Variants in HEMK2 observed in about 807,000 individuals in gnomAD.
The protein encoded by HEMK2 is methyltransferase HEMK2.
At chr21:28,844,789 T>C in the HEMK2 span, among the ~76,000 whole-genome samples, 2 of 107,580 alleles carry the variant, frequency 1.9e-5, no homozygotes, top group Non-Finnish European at 3.5e-5. Flanking sequence ...AATTTGCATT[T>C]TCCTTATTAT....
chr21:28,678,415 T>A, the HEMK2 span, among the ~76,000 whole-genome samples: 1 of 152,202 alleles, frequency 6.6e-6, no homozygotes, highest in East Asian at 1.9e-4. Flanking sequence ...AATCTACGTC[T>A]GATTGGTGTA....
chr21:28,783,927 T>TC, the HEMK2 span, among the ~76,000 whole-genome samples: 3 of 152,098 alleles, frequency 2.0e-5, no homozygotes, highest in Admixed American at 2.0e-4. Context: ...GTGCGCCAGG[T>TC]CCCCCGGCAA....
At chr21:28,657,635 A>G in the HEMK2 span, among the ~76,000 whole-genome samples, 2 of 152,224 alleles carry the variant, frequency 1.3e-5, no homozygotes, top group African/African-American at 2.4e-5. Flanking sequence ...TCATATCCTC[A>G]TAACTTGGAA....
the HEMK2 span, among the ~76,000 whole-genome samples, chr21:28,611,163 T>C: frequency 6.6e-6 from 1 of 151,946 alleles, no homozygotes; most frequent in Non-Finnish European, 1.5e-5. Flanking sequence ...AAAACAAATC[T>C]CAACAAATTT....
the HEMK2 span, among the ~76,000 whole-genome samples, chr21:28,717,679 C>T: frequency 2.0e-5 from 3 of 151,974 alleles, no homozygotes; most frequent in African/African-American, 7.3e-5. Context: ...AGGGTTTCAC[C>T]TTGTTGGCCA....
the HEMK2 span, among the ~76,000 whole-genome samples, chr21:28,882,417 A>G: frequency 2.0e-5 from 3 of 152,204 alleles, no homozygotes; most frequent in Non-Finnish European, 4.4e-5. Context: ...GATTTGTTCT[A>G]TTGATGAAAA....
the HEMK2 span, among the ~76,000 whole-genome samples, chr21:28,699,133 T>C: frequency 6.6e-6 from 1 of 152,248 alleles, no homozygotes; most frequent in Non-Finnish European, 1.5e-5. Flanking sequence ...TAGTAATTCA[T>C]GAACCACCAG....
chr21:28,765,119 G>A, the HEMK2 span, among the ~76,000 whole-genome samples: 6 of 152,092 alleles, frequency 3.9e-5, no homozygotes, highest in Admixed American at 6.6e-5. Context: ...CTCTGAGGGA[G>A]CAAGTGGGTA....
the HEMK2 span, among the ~76,000 whole-genome samples, chr21:28,608,237 C>T: frequency 2.0e-5 from 3 of 152,250 alleles, no homozygotes; most frequent in African/African-American, 7.2e-5. Context: ...CAAGGAGACA[C>T]TTTCAACCAA....
At chr21:28,705,923 T>C in the HEMK2 span, among the ~76,000 whole-genome samples, 2 of 152,298 alleles carry the variant, frequency 1.3e-5, no homozygotes, top group African/African-American at 4.8e-5. Context: ...CTGATCACAA[T>C]GGGAAAGGTT....
At chr21:28,788,310 A>G in the HEMK2 span, among the ~76,000 whole-genome samples, 5 of 151,498 alleles carry the variant, frequency 3.3e-5, no homozygotes, top group Admixed American at 2.0e-4. Flanking sequence ...ACACATATAT[A>G]TGTGTATACA....
the HEMK2 span, among the ~76,000 whole-genome samples, chr21:28,735,802 A>G: frequency 2.0e-5 from 3 of 152,236 alleles, no homozygotes; most frequent in African/African-American, 7.2e-5. Context: ...AAAGTTGGTT[A>G]TATCTGCAAA....
the HEMK2 span, among the ~76,000 whole-genome samples, chr21:28,645,450 G>T: frequency 6.6e-6 from 1 of 152,030 alleles, no homozygotes. Flanking sequence ...GACCTATAAA[G>T]GTACTGAAGG....
At chr21:28,812,438 A>T in the HEMK2 span, among the ~76,000 whole-genome samples, 1 of 152,164 alleles carries the variant, frequency 6.6e-6, no homozygotes, top group African/African-American at 2.4e-5. Flanking sequence ...TATGTGATGG[A>T]TTACATTTAT....
chr21:28,878,423 AAGT>A, the HEMK2 span: 1 of 1,493,374 alleles, frequency 6.7e-7, no homozygotes, highest in Non-Finnish European at 9.2e-7. Context: ...ATCACCAAAA[AAGT>A]ATATATTTTG....
the HEMK2 span, among the ~76,000 whole-genome samples, chr21:28,576,613 A>C: frequency 6.6e-6 from 1 of 152,112 alleles, no homozygotes; most frequent in Non-Finnish European, 1.5e-5. Flanking sequence ...TCTCTTTATT[A>C]ATCCCATTTA....
chr21:28,799,287 A>G, the HEMK2 span, among the ~76,000 whole-genome samples: 1 of 152,186 alleles, frequency 6.6e-6, no homozygotes, highest in African/African-American at 2.4e-5. Context: ...AAGAGAAGAG[A>G]GCTTCTGCAG....
chr21:28,664,606 A>ATAT, the HEMK2 span, among the ~76,000 whole-genome samples: 2 of 151,948 alleles, frequency 1.3e-5, no homozygotes, highest in African/African-American at 4.8e-5. Flanking sequence ...CCTTTTAAAA[A>ATAT]ATATATATAT....
the HEMK2 span, among the ~76,000 whole-genome samples, chr21:28,629,699 A>G: frequency 6.6e-6 from 1 of 152,234 alleles, no homozygotes; most frequent in African/African-American, 2.4e-5. Flanking sequence ...GCCATCTCTA[A>G]TTTAAAAAGC....
Sources: allele counts gnomAD v4.1 joint callset (sites outside exome capture counted in the v4.1 genomes callset), GRCh38; gene constraint gnomAD v4.1.1; transcripts MANE v1.5; gene names NCBI Gene and HGNC (gene_info 2026-07-23, HGNC 2026-07-21).